The following TEKTL1 variants were observed in gnomAD, a reference collection of about 807,000 sequenced individuals.
The protein encoded by TEKTL1 is tektin-like protein 1.
At chr19:15,023,256 A>ATT in the TEKTL1 span, 1 of 767,392 alleles carries the variant, frequency 1.3e-6, no homozygotes, top group Non-Finnish European at 2.0e-6. Context: ...TATAATTAAA[A>ATT]ATAACAATAA....
At chr19:15,021,760 G>A in the TEKTL1 span, 53 of 1,612,110 alleles carry the variant, frequency 3.3e-5, no homozygotes, top group Non-Finnish European at 4.5e-5. Context: ...GGGTGCCGGT[G>A]GCTGGAGGCT....
the TEKTL1 span, chr19:15,021,859 G>A: frequency 6.2e-7 from 1 of 1,614,070 alleles, no homozygotes; most frequent in Non-Finnish European, 8.5e-7. Flanking sequence ...ACAGACCCCT[G>A]GTTCGCATGT....
At chr19:15,017,428 C>G in the TEKTL1 span, among the ~76,000 whole-genome samples, 1 of 151,972 alleles carries the variant, frequency 6.6e-6, no homozygotes, top group African/African-American at 2.4e-5. Context: ...TTGCAAATAT[C>G]AAAGGAATAT....
chr19:15,017,972 A>G, the TEKTL1 span, among the ~76,000 whole-genome samples: 1 of 152,152 alleles, frequency 6.6e-6, no homozygotes, highest in African/African-American at 2.4e-5. Context: ...AGGCAGGAGG[A>G]TCACTTGAGC....
the TEKTL1 span, among the ~76,000 whole-genome samples, chr19:15,012,935 C>CG: frequency 6.7e-6 from 1 of 150,306 alleles, no homozygotes. Flanking sequence ...AACTCCCCCC[C>CG]AGAATGTTAA....
chr19:15,023,213 C>T, the TEKTL1 span: 2 of 1,132,614 alleles, frequency 1.8e-6, no homozygotes, highest in Non-Finnish European at 2.4e-6. Context: ...TCTCCCCTGA[C>T]GCACCCTCCC....
chr19:15,014,921 T>C, the TEKTL1 span, among the ~76,000 whole-genome samples: 1 of 152,134 alleles, frequency 6.6e-6, no homozygotes, highest in Non-Finnish European at 1.5e-5. Context: ...AAATGGATCA[T>C]GCCCATAATC....
At chr19:15,020,003 T>C in the TEKTL1 span, among the ~76,000 whole-genome samples, 1 of 131,724 alleles carries the variant, frequency 7.6e-6, no homozygotes, top group Non-Finnish European at 1.6e-5. Context: ...TAAAAACCTT[T>C]ACCAGTATCA....
At chr19:15,012,416 AT>A in the TEKTL1 span, among the ~76,000 whole-genome samples, 6 of 152,062 alleles carry the variant, frequency 3.9e-5, no homozygotes, top group African/African-American at 1.2e-4. Context: ...TTTAAAAAAA[AT>A]AGTCAGGCAT....
the TEKTL1 span, chr19:15,021,516 G>A: frequency 1.9e-6 from 3 of 1,613,980 alleles, no homozygotes; most frequent in African/African-American, 4.0e-5. Context: ...CCTTGGAGCT[G>A]AAGGTGAGCG....
chr19:15,022,957 C>T, the TEKTL1 span: 2 of 1,613,130 alleles, frequency 1.2e-6, no homozygotes, highest in South Asian at 1.1e-5. Flanking sequence ...TCAGCTGGGG[C>T]CTCAACTGCA....
chr19:15,021,333 C>A, the TEKTL1 span: 398 of 1,610,952 alleles, frequency 2.5e-4, 4 homozygotes, highest in South Asian at 3.7e-3. Flanking sequence ...CACCCCCACG[C>A]GCATCCTGGG....
At chr19:15,023,219 C>G in the TEKTL1 span, 8 of 1,076,704 alleles carry the variant, frequency 7.4e-6, no homozygotes, top group Non-Finnish European at 1.0e-5. Flanking sequence ...CTGACGCACC[C>G]TCCCTCCAAG....
the TEKTL1 span, among the ~76,000 whole-genome samples, chr19:15,019,575 A>G: frequency 6.6e-6 from 1 of 152,212 alleles, no homozygotes. Flanking sequence ...GGGTGGTGTG[A>G]TGTGAGTCAA....
the TEKTL1 span, chr19:15,022,914 A>G: frequency 6.2e-7 from 1 of 1,605,832 alleles, no homozygotes; most frequent in Admixed American, 1.7e-5. Flanking sequence ...CTGGAAAAGA[A>G]CCTGGACGAG....
At chr19:15,018,660 C>CTGTG in the TEKTL1 span, among the ~76,000 whole-genome samples, 2 of 142,226 alleles carry the variant, frequency 1.4e-5, no homozygotes, top group Non-Finnish European at 3.1e-5. Flanking sequence ...CTGCTGTGAG[C>CTGTG]TGTGATCATG....
the TEKTL1 span, among the ~76,000 whole-genome samples, chr19:15,020,294 C>G: frequency 7.8e-6 from 1 of 128,394 alleles, no homozygotes; most frequent in South Asian, 3.0e-4. Context: ...GATGACAGAG[C>G]AAGATTTTGT....
chr19:15,013,702 T>A, the TEKTL1 span: 2 of 1,613,446 alleles, frequency 1.2e-6, no homozygotes, highest in Non-Finnish European at 8.5e-7. Context: ...TATGCTTACA[T>A]GGGAGAAAGA....
chr19:15,013,556 C>T, the TEKTL1 span: 1 of 718,560 alleles, frequency 1.4e-6, no homozygotes. Flanking sequence ...GTACCCTCAA[C>T]TTCATCCTTC....
Sources: allele counts gnomAD v4.1 joint callset (sites outside exome capture counted in the v4.1 genomes callset), GRCh38; gene constraint gnomAD v4.1.1; transcripts MANE v1.5; gene names NCBI Gene and HGNC (gene_info 2026-07-23, HGNC 2026-07-21).